The following SUSD4 variants were observed in gnomAD, a reference collection of about 807,000 sequenced individuals.
SUSD4 encodes sushi domain-containing protein 4.
In SUSD4, 41 loss-of-function variants were observed where a neutral mutation model predicts 50.5. The observed-to-expected ratio is 0.81, with a 90% CI of 0.63 to 1.05. SUSD4 has a LOEUF of 1.05. Ranked by LOEUF, SUSD4 falls within the 50% of genes least tolerant of loss-of-function variation. SUSD4 has a pLI of 0.00. For synonymous variants in SUSD4, 257 were observed against 257.3 expected (o/e 1.00, Z 0.01); for missense variants, 580 against 634.7 (o/e 0.91, Z 0.93).
At chr1:223,236,024 C>T (rs970359438) in intron 5 of SUSD4, among the ~76,000 whole-genome samples, 7 of 152,146 alleles carry the variant, frequency 4.6e-5, no homozygotes, top group Non-Finnish European at 8.8e-5. Context: ...TTCAGCATTT[C>T]GGTTTGTAAG....
chr1:223,362,877 T>C (rs1003114913), intron 2 of SUSD4, among the ~76,000 whole-genome samples: 3 of 151,858 alleles, frequency 2.0e-5, no homozygotes, highest in Admixed American at 1.3e-4. Context: ...ATCTGACCTC[T>C]ATCTGCTGAA....
intron 4 of SUSD4, 64 bp from the exon 5 acceptor site, chr1:223,264,882 C>CACA: frequency 6.5e-7 from 1 of 1,531,756 alleles, no homozygotes; most frequent in Non-Finnish European, 8.8e-7. Context: ...CGAAAAGTCA[C>CACA]ACAGAACACT....
intron 5 of SUSD4, among the ~76,000 whole-genome samples, chr1:223,254,378 T>G (rs1661541553): frequency 6.6e-6 from 1 of 150,902 alleles, no homozygotes; most frequent in South Asian, 2.1e-4. Flanking sequence ...TACACGGGAT[T>G]AAAAAAAAAG....
chr1:223,236,851 T>A (rs768738791), intron 5 of SUSD4, among the ~76,000 whole-genome samples: 1 of 152,100 alleles, frequency 6.6e-6, no homozygotes, highest in African/African-American at 2.4e-5. Context: ...TGCTTCCCCA[T>A]ATAAACTTTA....
chr1:223,251,325 T>A (rs79218098), intron 5 of SUSD4, among the ~76,000 whole-genome samples: 1 of 152,088 alleles, frequency 6.6e-6, no homozygotes, highest in South Asian at 2.1e-4. Flanking sequence ...CAAGAGTGGG[T>A]TCCAGACATG....
intron 2 of SUSD4, among the ~76,000 whole-genome samples, chr1:223,323,162 G>A (rs1558250157): frequency 6.6e-6 from 1 of 151,884 alleles, no homozygotes; most frequent in Non-Finnish European, 1.5e-5. Flanking sequence ...AGGGTGAAGG[G>A]AGTGAGGGAG....
chr1:223,234,685 T>A (rs1558168106), intron 5 of SUSD4, among the ~76,000 whole-genome samples: 1 of 152,232 alleles, frequency 6.6e-6, no homozygotes, highest in African/African-American at 2.4e-5. Flanking sequence ...AGTTTTATCA[T>A]AGCCTCATGG....
intron 2 of SUSD4, among the ~76,000 whole-genome samples, chr1:223,312,126 T>G (rs761066218): frequency 1.3e-5 from 2 of 152,190 alleles, no homozygotes; most frequent in Non-Finnish European, 2.9e-5. Flanking sequence ...CCAGCCAATC[T>G]GAAAAAACAT....
chr1:223,263,880 C>A, intron 5 of SUSD4: 3 of 985,460 alleles, frequency 3.0e-6, no homozygotes, highest in Non-Finnish European at 3.6e-6. Flanking sequence ...GAGGTTTCTT[C>A]ACTTTTTTCT....
chr1:223,363,548 C>T (rs555945479), intron 1 of SUSD4, 88 bp from the exon 2 acceptor site: 3 of 1,346,184 alleles, frequency 2.2e-6, no homozygotes, highest in East Asian at 2.8e-5. Context: ...GACCCGGCGC[C>T]TCGGCTTCCC....
Position 223,253,006 on chromosome 1 carries a change from G to A in SUSD4, c.724+11624C>T, listed in dbSNP as rs542895069. ...GTTGGGAGGCTGAGACAGGAGAATC[G>A]CTTGAACCTGAGAGGCGGAGGTTGC... On this transcript the variant is annotated intron_variant, in intron 5 of 8. Coordinates refer to ENST00000366878, the MANE Select transcript of SUSD4 (RefSeq NM_017982.4). 1.2e-4 allele frequency among the ~76,000 whole-genome samples: 18 copies of A among 151,900 alleles called. No homozygotes were observed. The South Asian group carries it at 3.5e-3, about 30-fold the overall frequency.
chr1:223,246,246 C>T (rs1414203363), intron 5 of SUSD4, among the ~76,000 whole-genome samples: 2 of 152,044 alleles, frequency 1.3e-5, no homozygotes, highest in African/African-American at 4.8e-5. Flanking sequence ...GGGAGCAGCT[C>T]CTCACAAGCT....
chr1:223,357,879 A>G (rs1003222690), intron 2 of SUSD4, among the ~76,000 whole-genome samples: 1 of 152,200 alleles, frequency 6.6e-6, no homozygotes, highest in African/African-American at 2.4e-5. Context: ...TTGTACACAA[A>G]TTTGAAAGTC....
chr1:223,255,247 G>A (rs891726314), intron 5 of SUSD4, among the ~76,000 whole-genome samples: 2 of 152,200 alleles, frequency 1.3e-5, no homozygotes, highest in African/African-American at 2.4e-5. Flanking sequence ...GGGAACTGAA[G>A]ATTCTTTTGA....
intron 2 of SUSD4, among the ~76,000 whole-genome samples, chr1:223,330,084 C>T (rs1667095831): frequency 6.6e-6 from 1 of 152,148 alleles, no homozygotes; most frequent in South Asian, 2.1e-4. Context: ...GGGACATTCT[C>T]TTCATGCATG....
intron 2 of SUSD4, among the ~76,000 whole-genome samples, chr1:223,318,671 T>G (rs1666373238): frequency 6.6e-6 from 1 of 151,588 alleles, no homozygotes; most frequent in Non-Finnish European, 1.5e-5. Flanking sequence ...GAGAAGTGTC[T>G]GTTCATGTCC....
chr1:223,329,522 T>A (rs1052118635), intron 2 of SUSD4, among the ~76,000 whole-genome samples: 4 of 152,210 alleles, frequency 2.6e-5, no homozygotes, highest in African/African-American at 9.6e-5. Context: ...TTCTCTATTT[T>A]ATAGTCATTT....
intron 3 of SUSD4, chr1:223,289,102 G>A (rs1180128100): frequency 4.6e-5 from 45 of 985,304 alleles, no homozygotes; most frequent in Admixed American, 6.1e-5. Flanking sequence ...CAGCACCCTG[G>A]CCTTTAGTCA....
At chr1:223,329,239 T>C (rs1471925075) in intron 2 of SUSD4, among the ~76,000 whole-genome samples, 1 of 152,198 alleles carries the variant, frequency 6.6e-6, no homozygotes, top group Non-Finnish European at 1.5e-5. Context: ...AGGCTGAAAC[T>C]CACATGTAGA....
Sources: gnomAD v4.1 joint callset for allele counts (sites outside exome capture counted in the v4.1 genomes callset) on GRCh38, gnomAD v4.1.1 for gene constraint, MANE v1.5 for transcripts, NCBI Gene and HGNC (gene_info 2026-07-23, HGNC 2026-07-21) for gene names.